Variants in MYO5C observed in about 807,000 individuals in gnomAD.
MYO5C encodes myosin VC.
In MYO5C, 194 loss-of-function variants were observed where a neutral mutation model predicts 235.7. The ratio of observed to expected loss-of-function variants is 0.82; its 90% CI spans 0.73 to 0.93. The LOEUF (loss-of-function observed/expected upper bound fraction) is 0.93, where lower values mean the gene tolerates loss of function less well. MYO5C is among the 40% of genes least tolerant of loss of function. MYO5C has a pLI of 0.00. For missense variants in MYO5C, 2,038 were observed against 2,127.2 expected (o/e 0.96, Z 0.82); for synonymous variants, 707 against 754.8 (o/e 0.94, Z 1.04).
chr15:52,252,571 C>A (rs1342459983), intron 12 of MYO5C, among the ~76,000 whole-genome samples: 1 of 151,864 alleles, frequency 6.6e-6, no homozygotes, highest in Non-Finnish European at 1.5e-5. Flanking sequence ...GTCAGGAGAT[C>A]CAGACCATCC....
rs747423772 is a variant in MYO5C, at chr15:52,275,562, C to T, written c.606G>A (p.Glu202=). The T allele has an allele frequency of 6.2e-7, 1 of 1,614,172 alleles. No homozygotes were observed. The highest frequency in any genetic ancestry group is 8.5e-7 in the Non-Finnish European group (1 of 1,180,024). ...DKVLASNPIT[E]AVGNAKTTRN... Reference sequence around the variant, plus strand: ...AGCTGCCTTCCGCAGTGGTACGCACCTCGGTGATGGGATTGGATGCCAGGA... The same window carrying T: ...AGCTGCCTTCCGCAGTGGTACGCACTTCGGTGATGGGATTGGATGCCAGGA... Residue 202 remains glutamate (E), a splice_region_variant and synonymous_variant, in exon 5 of 41, where the codon GAG becomes GAA. Coordinates refer to ENST00000261839, the MANE Select transcript of MYO5C (RefSeq NM_018728.4).
At position 52,233,093 on chromosome 15, in the gene MYO5C, A is replaced by C. The variant is rs1224261930; in HGVS notation, c.2963-408T>G. On this transcript the variant is annotated intron_variant, in intron 23 of 40. Transcript: ENST00000261839. ...AGGAGATCAAGACCATCCCGGCTAA[A>C]ACGGTGAAACCCCGTCTCTACTAAA... 2.2e-4 allele frequency among the ~76,000 whole-genome samples: 4 copies of C among 17,780 alleles called. 2 individuals are homozygous for C. In the Non-Finnish European group the frequency reaches 3.5e-3, roughly 16 times the overall value. The allele number at this position is 17,780 out of a possible 152,430, so 11.7% of individuals were successfully genotyped here. A position where few individuals can be genotyped will look rare whatever the true frequency, so the allele number is the denominator to read the frequency against.
At chr15:52,235,004 T>C (rs544879741) in intron 23 of MYO5C, among the ~76,000 whole-genome samples, 1 of 152,304 alleles carries the variant, frequency 6.6e-6, no homozygotes, top group East Asian at 1.9e-4. Flanking sequence ...CTCTGTTGCC[T>C]GTTGCCTTTT....
Position 52,244,554 on chromosome 15 carries a change from TACTGA to T in MYO5C, c.2187_2191del (p.Asn729LysfsTer5), listed in dbSNP as rs762367911. 2 of 1,609,670 alleles carry T rather than the reference TACTGA, an allele frequency of 1.2e-6. No homozygotes were observed. The highest frequency in any genetic ancestry group is 2.2e-5 in the South Asian group (2 of 90,918). Reference sequence around the variant, plus strand: ...GAAAATTTTGGTTTTACCAAACTGGTACTGATTAGAATCCTGGAAGAGAAAAATGA... The same window carrying T: ...GAAAATTTTGGTTTTACCAAACTGGTTTAGAATCCTGGAAGAGAAAAATGA... On this transcript the variant is annotated frameshift_variant, in exon 19 of 41. Transcript: ENST00000261839. LOFTEE classifies it high-confidence loss of function.
chr15:52,222,638 G>GAC, intron 29 of MYO5C, among the ~76,000 whole-genome samples: 1 of 139,784 alleles, frequency 7.2e-6, no homozygotes, highest in African/African-American at 2.7e-5. Context: ...GTGGTGGGCA[G>GAC]TGAATGGGAG....
intron 3 of MYO5C, 35 bp from the exon 4 acceptor site, chr15:52,279,052 T>A (rs1428179155): frequency 6.4e-7 from 1 of 1,572,696 alleles, no homozygotes; most frequent in Non-Finnish European, 8.6e-7. Flanking sequence ...TAAAATACTC[T>A]TACTGCCACC....
At chr15:52,194,822 G>C (rs1024267948) in intron 40 of MYO5C, among the ~76,000 whole-genome samples, 1 of 151,436 alleles carries the variant, frequency 6.6e-6, no homozygotes, top group African/African-American at 2.4e-5. Flanking sequence ...ATGTTATTTT[G>C]GTTGAAGTAC....
chr15:52,276,327 C>T (rs2037049724), intron 4 of MYO5C, among the ~76,000 whole-genome samples: 1 of 152,208 alleles, frequency 6.6e-6, no homozygotes, highest in Non-Finnish European at 1.5e-5. Context: ...TCCAGTGGAA[C>T]ACGGGTGCAA....
At chr15:52,269,718 A>T (rs1283384938) in intron 8 of MYO5C, 35 bp downstream of exon 8, 7 of 1,414,646 alleles carry the variant, frequency 4.9e-6, no homozygotes, top group Non-Finnish European at 6.9e-6. Context: ...TTAAGAGAAA[A>T]TGGCTACATA....
chr15:52,295,499 G>T, intron 1 of MYO5C, 111 bp downstream of exon 1: 1 of 1,291,608 alleles, frequency 7.7e-7, no homozygotes, highest in Non-Finnish European at 1.0e-6. Context: ...CGCCCGCCCT[G>T]CCGTGTCAGG....
chr15:52,233,291 A>AT lies in MYO5C; in HGVS notation c.2963-607_2963-606insA, dbSNP rs1264476507. 2.1e-4 allele frequency among the ~76,000 whole-genome samples: 30 copies of AT among 143,970 alleles called. 6 individuals are homozygous for AT. The highest frequency in any genetic ancestry group is 8.0e-4 in the African/African-American group (30 of 37,606). 94.4% of individuals were successfully genotyped at this position (143,970 alleles called of 152,430 possible). ...GAGACTCCGTCTCAAAAAAAAAAAAAAAAAAATTAAAAAAAAAAAAAAATA... is the reference window on the plus strand; with the variant it reads ...GAGACTCCGTCTCAAAAAAAAAAAAATAAAAAATTAAAAAAAAAAAAAAATA... On this transcript the variant is annotated intron_variant, in intron 23 of 40. Coordinates refer to ENST00000261839, the MANE Select transcript of MYO5C (RefSeq NM_018728.4).
At chr15:52,228,033 C>T (rs1405292726) in intron 25 of MYO5C, among the ~76,000 whole-genome samples, 1 of 152,192 alleles carries the variant, frequency 6.6e-6, no homozygotes, top group East Asian at 1.9e-4. Flanking sequence ...TCACTTAAGC[C>T]TTGATTGTCC....
At chr15:52,198,185 A>G (rs2035097554) in intron 38 of MYO5C, among the ~76,000 whole-genome samples, 1 of 151,988 alleles carries the variant, frequency 6.6e-6, no homozygotes, top group Non-Finnish European at 1.5e-5. Flanking sequence ...ATACAAAAAA[A>G]TTAGCTGGGT....
intron 10 of MYO5C, 49 bp from the exon 11 acceptor site, chr15:52,256,769 T>C (rs1454733033): frequency 7.2e-7 from 1 of 1,392,894 alleles, no homozygotes; most frequent in Non-Finnish European, 1.0e-6. Flanking sequence ...GCAAGACATA[T>C]GCATTTGTTT....
At chr15:52,248,606 A>C in intron 14 of MYO5C, 94 bp downstream of exon 14, 2 of 635,304 alleles carry the variant, frequency 3.1e-6, no homozygotes, top group Non-Finnish European at 5.3e-6. Context: ...ACACACACAC[A>C]CTCTCTCTCT....
At chr15:52,285,931 C>A (rs1367665742) in intron 1 of MYO5C, among the ~76,000 whole-genome samples, 1 of 152,114 alleles carries the variant, frequency 6.6e-6, no homozygotes, top group Non-Finnish European at 1.5e-5. Flanking sequence ...TGGCCGCCAT[C>A]CCATCTAGGA....
At chr15:52,294,705 A>G (rs1009995426) in intron 1 of MYO5C, among the ~76,000 whole-genome samples, 1 of 151,634 alleles carries the variant, frequency 6.6e-6, no homozygotes, top group Non-Finnish European at 1.5e-5. Flanking sequence ...TTTTTTTTCA[A>G]AAGTGCTAAC....
At chr15:52,238,876 C>G (rs933498298) in intron 21 of MYO5C, among the ~76,000 whole-genome samples, 1 of 151,580 alleles carries the variant, frequency 6.6e-6, no homozygotes, top group Non-Finnish European at 1.5e-5. Flanking sequence ...CTCCTGACCT[C>G]GTGATCCACC....
intron 1 of MYO5C, among the ~76,000 whole-genome samples, chr15:52,284,086 C>A (rs1235243098): frequency 1.3e-5 from 2 of 151,312 alleles, no homozygotes; most frequent in African/African-American, 4.9e-5. Flanking sequence ...TCTTTAAAGG[C>A]AAATATCAAA....
Sources: gnomAD v4.1 joint callset for allele counts (sites outside exome capture counted in the v4.1 genomes callset) on GRCh38, gnomAD v4.1.1 for gene constraint, MANE v1.5 for transcripts, NCBI Gene and HGNC (gene_info 2026-07-23, HGNC 2026-07-21) for gene names.